Variants in PTPRN2 observed in about 807,000 individuals in gnomAD.
PTPRN2 encodes the protein protein tyrosine phosphatase receptor type N2, also known as receptor-type tyrosine-protein phosphatase N2.
Under a neutral mutation model 118.8 loss-of-function variants are expected in PTPRN2, and 74 were observed. The ratio of observed to expected loss-of-function variants is 0.62; its 90% CI spans 0.52 to 0.76. The LOEUF (loss-of-function observed/expected upper bound fraction) is 0.76, where lower values mean the gene tolerates loss of function less well. PTPRN2 is among the 30% of genes least tolerant of loss of function. The pLI is 0.00. For missense variants in PTPRN2, 1,481 were observed against 1,394.4 expected (o/e 1.06, Z -0.99); for synonymous variants, 641 against 608.0 (o/e 1.05, Z -0.80).
intron 12 of PTPRN2, among the ~76,000 whole-genome samples, chr7:157,704,454 G>C (rs1440568224): frequency 1.3e-5 from 2 of 152,222 alleles, no homozygotes; most frequent in Non-Finnish European, 2.9e-5. Context: ...AATATAAAGA[G>C]GAAAAATGAT....
chr7:158,243,723 T>C (rs868836535), intron 3 of PTPRN2, among the ~76,000 whole-genome samples: 1 of 152,162 alleles, frequency 6.6e-6, no homozygotes, highest in Non-Finnish European at 1.5e-5. Context: ...TCCTAAGTTG[T>C]AGTCTCTGCT....
intron 12 of PTPRN2, among the ~76,000 whole-genome samples, chr7:157,850,287 C>G (rs1809172972): frequency 6.7e-6 from 1 of 149,254 alleles, no homozygotes; most frequent in Non-Finnish European, 1.5e-5. Context: ...TGGGGTGCCT[C>G]AGGCTCGCGT....
chr7:157,846,131 A>G (rs913157227), intron 12 of PTPRN2, among the ~76,000 whole-genome samples: 13 of 152,144 alleles, frequency 8.5e-5, no homozygotes, highest in African/African-American at 3.1e-4. Flanking sequence ...CACCTCTGTC[A>G]GATGAAAGGG....
At position 157,655,584 on chromosome 7, in the gene PTPRN2, C is replaced by T. The variant is rs144206052; in HGVS notation, c.2196+773G>A. 7.5e-3 allele frequency among the ~76,000 whole-genome samples: 1,144 copies of T among 152,328 alleles called. 9 individuals are homozygous for T. Among genetic ancestry groups the T allele is most frequent in the Non-Finnish European group, 0.013 (880 of 68,034 alleles). On this transcript the variant is annotated intron_variant, in intron 14 of 22. Coordinates refer to ENST00000389418, the MANE Select transcript of PTPRN2 (RefSeq NM_002847.5). The stretch of plus-strand genomic sequence containing the variant: ...TGTTTCCCTGACCCGTAAGTGCAGC[C>T]GCTGCTTCGGCCAAGCAGCGTAACA...
intron 3 of PTPRN2, among the ~76,000 whole-genome samples, chr7:158,262,065 C>T (rs758127868): frequency 3.3e-4 from 50 of 152,284 alleles, no homozygotes; most frequent in Non-Finnish European, 5.1e-4. Context: ...AGGCCACCTA[C>T]GGTTCCCAGA....
At chr7:158,054,586 C>T (rs1179259432) in intron 11 of PTPRN2, among the ~76,000 whole-genome samples, 3 of 152,240 alleles carry the variant, frequency 2.0e-5, no homozygotes, top group Non-Finnish European at 2.9e-5. Context: ...TGAGGTCTCG[C>T]AGGTGCAGCC....
At position 157,878,917 on chromosome 7, in the gene PTPRN2, G is replaced by A. The variant is rs555485637; in HGVS notation, c.1788+19756C>T. On this transcript the variant is annotated intron_variant, in intron 12 of 22. Coordinates refer to ENST00000389418, the MANE Select transcript of PTPRN2 (RefSeq NM_002847.5). ...TACCATGCACCCACACTTACTCACC[G>A]AGGAGCTCTCGGATTCCGTGGGGCT... 1.0e-3 allele frequency among the ~76,000 whole-genome samples: 135 copies of A among 134,868 alleles called. 1 individual carries two copies. Among genetic ancestry groups the A allele is most frequent in the African/African-American group, 3.6e-3 (120 of 33,304 alleles). The allele number at this position is 134,868 out of a possible 152,430, so 88.5% of individuals were successfully genotyped here.
At position 158,526,932 on chromosome 7, in the gene PTPRN2, A is replaced by G. The variant is rs977108379; in HGVS notation, c.113-37147T>C. Among the ~76,000 whole-genome samples the G allele has an allele frequency of 6.6e-6, 1 of 152,114 alleles. No individual in the cohort carries two copies. The highest frequency in any genetic ancestry group is 2.4e-5 in the African/African-American group (1 of 41,440). On this transcript the variant is annotated intron_variant, in intron 1 of 22. Transcript: ENST00000389418. The surrounding 1 kb of genome is among the most constrained non-coding windows in gnomAD (Gnocchi z 5.2). ...GAGACTGAGCCAATTCATACAGTGG[A>G]TTCCGCCACTTTCTTTCTAACACAA...
intron 11 of PTPRN2, among the ~76,000 whole-genome samples, chr7:157,985,940 C>G (rs540512458): frequency 6.6e-6 from 1 of 151,976 alleles, no homozygotes; most frequent in African/African-American, 2.4e-5. Flanking sequence ...ACCTGGCTGA[C>G]GAGACCCGGC....
rs6980205 is a variant in PTPRN2 at position 158,384,580 on chromosome 7, G to A, written c.164-67648C>T. Among the ~76,000 whole-genome samples, 737 of 152,312 alleles carry A rather than the reference G, an allele frequency of 4.8e-3. 7 individuals are homozygous for A. The highest frequency in any genetic ancestry group is 0.017 in the African/African-American group (693 of 41,558). ...AACAGGCACAGGTGTTACTGCTTAAGCCAAGACAGATGAGTATAATGTAGA... is the reference window on the plus strand; with the variant it reads ...AACAGGCACAGGTGTTACTGCTTAAACCAAGACAGATGAGTATAATGTAGA... On this transcript the variant is annotated intron_variant, in intron 2 of 22. Coordinates refer to ENST00000389418, the MANE Select transcript of PTPRN2 (RefSeq NM_002847.5).
At chr7:157,806,143 G>A (rs919968061) in intron 12 of PTPRN2, among the ~76,000 whole-genome samples, 3 of 152,128 alleles carry the variant, frequency 2.0e-5, no homozygotes, top group Non-Finnish European at 4.4e-5. Context: ...GAAGTGATTG[G>A]AACCAGAAGT....
intron 11 of PTPRN2, among the ~76,000 whole-genome samples, chr7:158,014,887 C>CCACCTA (rs143856722): frequency 0.63 from 95,222 of 151,898 alleles, 30,037 homozygotes; most frequent in East Asian, 0.76. Context: ...CATCCATCCC[C>CCACCTA]TACCTATCTC....
In PTPRN2 at chr7:157,682,836, G is replaced by C. The variant is rs1796978117; in HGVS notation, c.1890C>G (p.Leu630=). The change falls in exon 13 of 23, where the codon CTC becomes CTG. Residue 630 remains leucine, a synonymous_variant. Transcript: ENST00000389418. ...LVSLACILGV[L]LASGLIYCLR... ...GGCAGTAGATGAGGCCAGAGGCCAG[G>C]AGGACGCCCAGGATGCAGGCGAGGG... 3 of 1,614,038 alleles carry C rather than the reference G, an allele frequency of 1.9e-6. No homozygotes were observed. The highest frequency in any genetic ancestry group is 1.1e-5 in the South Asian group (1 of 91,082).
intron 12 of PTPRN2, among the ~76,000 whole-genome samples, chr7:157,693,089 C>T (rs1200366824): frequency 6.7e-6 from 1 of 148,698 alleles, no homozygotes; most frequent in Admixed American, 6.7e-5. Context: ...GGCGGGGGGC[C>T]GGAGACGGCG....
chr7:157,722,686 A>G (rs1190256734), intron 12 of PTPRN2, among the ~76,000 whole-genome samples: 1 of 152,142 alleles, frequency 6.6e-6, no homozygotes, highest in Non-Finnish European at 1.5e-5. Context: ...CGGGGGGGAC[A>G]GGGGTGAGGA....
chr7:157,698,794 C>T (rs898294553), intron 12 of PTPRN2, among the ~76,000 whole-genome samples: 2 of 152,042 alleles, frequency 1.3e-5, no homozygotes, highest in African/African-American at 4.8e-5. Flanking sequence ...AGAATAATGC[C>T]ATAAGGCACG....
chr7:158,541,342 T>A (rs1290828280), intron 1 of PTPRN2: 17 of 1,033,982 alleles, frequency 1.6e-5, no homozygotes, highest in Non-Finnish European at 2.1e-5. Context: ...TTTTGACCTG[T>A]CCTGAGCCCT....
intron 12 of PTPRN2, among the ~76,000 whole-genome samples, chr7:157,767,737 T>G (rs532253610): frequency 4.4e-4 from 67 of 152,302 alleles, no homozygotes; most frequent in African/African-American, 1.6e-3. Context: ...AAACGCTGTG[T>G]GTGTGTGGAG....
At chr7:157,802,179 C>T (rs573774626) in intron 12 of PTPRN2, among the ~76,000 whole-genome samples, 6 of 152,192 alleles carry the variant, frequency 3.9e-5, no homozygotes, top group South Asian at 4.1e-4. Context: ...CGGCAGATGT[C>T]GAGACCGCGT....
Sources: allele counts gnomAD v4.1 joint callset (sites outside exome capture counted in the v4.1 genomes callset), GRCh38; gene constraint gnomAD v4.1.1; non-coding constraint Gnocchi (gnomAD v3.1); transcripts MANE v1.5; gene names NCBI Gene and HGNC (gene_info 2026-07-23, HGNC 2026-07-21).